GATA4: variants seen among roughly 807,000 people sequenced by gnomAD.
GATA4 encodes the protein transcription factor GATA-4.
In GATA4, 7 loss-of-function variants were observed where a neutral mutation model predicts 37.9. The observed-to-expected ratio is 0.18, with a 90% CI of 0.11 to 0.35. The LOEUF (loss-of-function observed/expected upper bound fraction) is 0.35, where lower values mean the gene tolerates loss of function less well. Among genes scored for constraint, GATA4 ranks in the 10% least tolerant of loss-of-function variants. The pLI is 1.00. For missense variants in GATA4, 647 were observed against 653.0 expected (o/e 0.99, Z 0.10); for synonymous variants, 372 against 292.6 (o/e 1.27, Z -2.77).
At chr8:11,682,810 C>A (rs543880119) in intron 1 of GATA4, among the ~76,000 whole-genome samples, 1 of 152,248 alleles carries the variant, frequency 6.6e-6, no homozygotes, top group East Asian at 1.9e-4. Flanking sequence ...TTGGCCGTGG[C>A]GATGTGGGGA....
chr8:11,756,785 T>C, intron 5 of GATA4, 150 bp from the exon 6 acceptor site: 1 of 1,004,596 alleles, frequency 1.0e-6, no homozygotes, highest in South Asian at 1.3e-5. Flanking sequence ...GTGAGAACTG[T>C]AGCCCTCCGC....
At chr8:11,693,039 C>T in intron 1 of GATA4, 1 of 985,406 alleles carries the variant, frequency 1.0e-6, no homozygotes, top group Non-Finnish European at 1.2e-6. Context: ...GCCTGCGGGG[C>T]CTCTGCGTGG....
At chr8:11,735,703 C>T (rs1046468178) in intron 2 of GATA4, among the ~76,000 whole-genome samples, 4 of 152,212 alleles carry the variant, frequency 2.6e-5, no homozygotes, top group African/African-American at 7.2e-5. Context: ...GCTGGGATTA[C>T]AGGCATGTGC....
intron 2 of GATA4, among the ~76,000 whole-genome samples, chr8:11,711,354 G>T (rs1374969155): frequency 3.3e-5 from 5 of 152,158 alleles, no homozygotes; most frequent in African/African-American, 9.7e-5. Context: ...TTTCTCTTCT[G>T]CACCCAGCCA....
chr8:11,677,768 T>A (rs1798829229), intron 1 of GATA4, among the ~76,000 whole-genome samples: 1 of 152,092 alleles, frequency 6.6e-6, no homozygotes, highest in Non-Finnish European at 1.5e-5. Flanking sequence ...GGGTTTAATT[T>A]CCGATTATTC....
chr8:11,700,822 T>G (rs1156921075), upstream of GATA4: 2 of 152,260 alleles, frequency 1.3e-5, no homozygotes, highest in Non-Finnish European at 2.9e-5. Flanking sequence ...TATAAGACTC[T>G]GGCGACCTTG....
chr8:11,713,532 G>T (rs1364443533), intron 2 of GATA4, among the ~76,000 whole-genome samples: 1 of 151,754 alleles, frequency 6.6e-6, no homozygotes, highest in Non-Finnish European at 1.5e-5. Context: ...GAGGGTTCTG[G>T]AAACTTCAGG....
intron 2 of GATA4, among the ~76,000 whole-genome samples, chr8:11,721,035 A>G (rs1800650884): frequency 6.6e-6 from 1 of 152,056 alleles, no homozygotes; most frequent in Middle Eastern, 3.2e-3. Context: ...GTCAGGCTGT[A>G]AAGATACAAA....
At chr8:11,689,011 A>G (rs1799229062), upstream of GATA4, among the ~76,000 whole-genome samples, 1 of 152,256 alleles carries the variant, frequency 6.6e-6, no homozygotes, top group Non-Finnish European at 1.5e-5. Flanking sequence ...TATCACTCCC[A>G]GTCTTCCAGT....
upstream of GATA4, chr8:11,704,049 T>G (rs920650797): frequency 6.6e-6 from 1 of 152,280 alleles, no homozygotes; most frequent in Non-Finnish European, 1.5e-5. Flanking sequence ...GGACTTTGCC[T>G]GCTGGGGGAG....
At chr8:11,750,372 A>C (rs1802243222) in intron 4 of GATA4, 136 bp downstream of exon 4, 4 of 1,253,642 alleles carry the variant, frequency 3.2e-6, no homozygotes, top group South Asian at 1.3e-5. Flanking sequence ...GGGGCTTTCA[A>C]CTACTTTGCT....
At chr8:11,702,208 C>T (rs1434158676), upstream of GATA4, among the ~76,000 whole-genome samples, 4 of 152,218 alleles carry the variant, frequency 2.6e-5, no homozygotes, top group Admixed American at 2.6e-4. This position sits in a 1 kb window ranked among gnomAD's most constrained non-coding sequence, Gnocchi z 4.4. Flanking sequence ...CGTCAGATGG[C>T]ACCCCGCCAG....
chr8:11,725,415 C>T (rs928915116), intron 2 of GATA4, among the ~76,000 whole-genome samples: 2 of 152,244 alleles, frequency 1.3e-5, no homozygotes, highest in African/African-American at 4.8e-5. Flanking sequence ...AATCTGATTC[C>T]GTACTGGCCC....
At position 11,692,661 on chromosome 8, in the gene GATA4, G is replaced by C; in HGVS notation, c.-729+1G>C. 1 of 985,188 alleles carries C rather than the reference G, an allele frequency of 1.0e-6. No homozygotes were observed. The highest frequency in any genetic ancestry group is 1.2e-6 in the Non-Finnish European group (1 of 829,840). The allele number at this position is 985,188 out of a possible 1,614,324, so 61.0% of individuals were successfully genotyped here. A position where few individuals can be genotyped will look rare whatever the true frequency, so the allele number is the denominator to read the frequency against. ...GCGCCTCAGCCGACCTCCACCGCGG[G>C]TGCGTGCGGGGGTGCGGGGGTGAGG... is the stretch of plus-strand genomic sequence containing the variant. On this transcript the variant is annotated splice_donor_variant, in intron 1 of 2. Transcript: ENST00000526974. LOFTEE classifies it low-confidence loss of function (5UTR_SPLICE).
At chr8:11,756,729 G>A (rs1802586617) in intron 5 of GATA4, 2 of 639,122 alleles carry the variant, frequency 3.1e-6, no homozygotes, top group South Asian at 1.8e-5. Flanking sequence ...TGAAACACAC[G>A]TGGCCTCAAG....
intron 1 of GATA4, among the ~76,000 whole-genome samples, chr8:11,686,632 G>A (rs905502079): frequency 6.6e-6 from 1 of 152,154 alleles, no homozygotes; most frequent in Non-Finnish European, 1.5e-5. Flanking sequence ...CAGGCATAGT[G>A]GTAGGAACTT....
chr8:11,702,625 T>C (rs973670450), upstream of GATA4, among the ~76,000 whole-genome samples: 1 of 149,310 alleles, frequency 6.7e-6, no homozygotes, highest in Non-Finnish European at 1.5e-5. The surrounding 1 kb of genome is among the most constrained non-coding windows in gnomAD (Gnocchi z 4.4). Context: ...CAGCCTTAAG[T>C]TCCCACGTTT....
intron 1 of GATA4, among the ~76,000 whole-genome samples, chr8:11,677,769 C>T (rs1166210904): frequency 6.6e-6 from 1 of 152,052 alleles, no homozygotes; most frequent in Non-Finnish European, 1.5e-5. Flanking sequence ...GGTTTAATTT[C>T]CGATTATTCT....
At chr8:11,737,150 C>T (rs1426655251) in intron 2 of GATA4, among the ~76,000 whole-genome samples, 1 of 152,096 alleles carries the variant, frequency 6.6e-6, no homozygotes, top group Non-Finnish European at 1.5e-5. Context: ...CCCCCAGACA[C>T]CCCCGAGAGG....
Sources: gnomAD v4.1 joint callset for allele counts (sites outside exome capture counted in the v4.1 genomes callset) on GRCh38, gnomAD v4.1.1 for gene constraint, Gnocchi (gnomAD v3.1) non-coding constraint, MANE v1.5 for transcripts, NCBI Gene and HGNC (gene_info 2026-07-23, HGNC 2026-07-21) for gene names.